ANKS1B: variants seen among roughly 807,000 people sequenced by gnomAD.
ANKS1B encodes the protein ankyrin repeat and sterile alpha motif domain-containing protein 1B.
Under a neutral mutation model 148.3 loss-of-function variants are expected in ANKS1B, and 36 were observed. The ratio of observed to expected loss-of-function variants is 0.24; its 90% CI spans 0.19 to 0.32. ANKS1B has a LOEUF of 0.32. ANKS1B is among the 10% of genes least tolerant of loss of function. ANKS1B has a pLI of 1.00. For synonymous variants in ANKS1B, 542 were observed against 560.8 expected (o/e 0.97, Z 0.47); for missense variants, 1,157 against 1,542.6 (o/e 0.75, Z 4.19).
At chr12:99,071,480 G>A (rs1414500020) in intron 16 of ANKS1B, among the ~76,000 whole-genome samples, 1 of 152,150 alleles carries the variant, frequency 6.6e-6, no homozygotes, top group Non-Finnish European at 1.5e-5. Flanking sequence ...AAATCACAAT[G>A]CCTTTAGCAA....
intron 8 of ANKS1B, among the ~76,000 whole-genome samples, chr12:99,665,062 C>T (rs755398189): frequency 1.3e-5 from 2 of 152,136 alleles, no homozygotes; most frequent in Non-Finnish European, 2.9e-5. Flanking sequence ...GCGGCCATTA[C>T]GAATAAAGTC....
intron 9 of ANKS1B, chr12:99,648,532 C>A (rs751912546): frequency 1.2e-6 from 2 of 1,614,192 alleles, no homozygotes; most frequent in Non-Finnish European, 1.7e-6. Flanking sequence ...ACTAACCAGG[C>A]TGCTTCCCTT....
intron 17 of ANKS1B, among the ~76,000 whole-genome samples, chr12:98,949,013 C>T (rs1221246574): frequency 2.3e-5 from 3 of 129,464 alleles, no homozygotes; most frequent in East Asian, 2.4e-4. Flanking sequence ...AGTGCAGTGG[C>T]GTGATCTCGG....
At chr12:99,032,464 C>T (rs967089748) in intron 17 of ANKS1B, among the ~76,000 whole-genome samples, 4 of 152,154 alleles carry the variant, frequency 2.6e-5, no homozygotes, top group African/African-American at 4.8e-5. Flanking sequence ...GGCAGCATCA[C>T]GCCAATCTTC....
intron 10 of ANKS1B, among the ~76,000 whole-genome samples, chr12:99,490,192 G>A (rs565515657): frequency 5.9e-5 from 9 of 152,342 alleles, no homozygotes; most frequent in East Asian, 1.9e-4. Context: ...TGGAACAAAT[G>A]AATTGGTGGA....
chr12:99,269,554 A>C (rs1292262943), intron 12 of ANKS1B, among the ~76,000 whole-genome samples: 3 of 152,080 alleles, frequency 2.0e-5, no homozygotes, highest in Admixed American at 2.0e-4. Context: ...CCAATTCAAA[A>C]GACTTGCTTA....
At chr12:98,865,253 A>C (rs1191058689) in intron 17 of ANKS1B, among the ~76,000 whole-genome samples, 1 of 152,120 alleles carries the variant, frequency 6.6e-6, no homozygotes, top group East Asian at 1.9e-4. Context: ...CAAATGTTTC[A>C]AGCAGAACTC....
intron 17 of ANKS1B, among the ~76,000 whole-genome samples, chr12:98,889,194 T>C (rs76831050): frequency 0.011 from 1,675 of 152,308 alleles, 26 homozygotes; most frequent in African/African-American, 0.035. Flanking sequence ...ACAAAAATGC[T>C]AGAAAATCAA....
At chr12:99,168,519 CAA>C (rs113434143) in intron 14 of ANKS1B, among the ~76,000 whole-genome samples, 23 of 68,734 alleles carry the variant, frequency 3.3e-4, no homozygotes, top group Admixed American at 4.9e-4. Context: ...AACTCCATCT[CAA>C]AAAAAAAAAA....
intron 12 of ANKS1B, among the ~76,000 whole-genome samples, chr12:99,327,110 A>T (rs1319852222): frequency 2.4e-5 from 3 of 126,994 alleles, no homozygotes; most frequent in African/African-American, 9.0e-5. Context: ...AATATATATT[A>T]ATATAACTAA....
intron 12 of ANKS1B, among the ~76,000 whole-genome samples, chr12:99,351,565 T>C (rs1362690677): frequency 6.6e-6 from 1 of 152,020 alleles, no homozygotes; most frequent in Non-Finnish European, 1.5e-5. Context: ...CATAGATAAA[T>C]TAGTGTCTTT....
chr12:98,754,291 G>T (rs1441576119), intron 25 of ANKS1B, among the ~76,000 whole-genome samples: 1 of 152,182 alleles, frequency 6.6e-6, no homozygotes, highest in African/African-American at 2.4e-5. Context: ...AGGAGGTCTG[G>T]GAGACAGCTC....
At chr12:99,671,205 A>G (rs2098536593) in intron 8 of ANKS1B, among the ~76,000 whole-genome samples, 1 of 152,170 alleles carries the variant, frequency 6.6e-6, no homozygotes, top group Admixed American at 6.5e-5. Flanking sequence ...TGACTAGCAC[A>G]GTTCAGGGCA....
intron 1 of ANKS1B, among the ~76,000 whole-genome samples, chr12:99,953,863 T>C (rs2095270473): frequency 6.6e-6 from 1 of 152,052 alleles, no homozygotes; most frequent in Non-Finnish European, 1.5e-5. Context: ...GTCCTCAAGC[T>C]CAGTTAAATA....
intron 17 of ANKS1B, among the ~76,000 whole-genome samples, chr12:98,947,669 T>A (rs990897827): frequency 6.6e-6 from 1 of 152,186 alleles, no homozygotes; most frequent in African/African-American, 2.4e-5. Context: ...ATATTTTCCT[T>A]GGCTGCCTTT....
intron 12 of ANKS1B, among the ~76,000 whole-genome samples, chr12:99,286,015 G>A (rs1467190814): frequency 6.6e-6 from 1 of 151,990 alleles, no homozygotes; most frequent in Non-Finnish European, 1.5e-5. Context: ...TTCTGATGCT[G>A]TTCTAGGCTC....
intron 9 of ANKS1B, among the ~76,000 whole-genome samples, chr12:99,582,786 C>G (rs1223640732): frequency 6.6e-6 from 1 of 151,986 alleles, no homozygotes; most frequent in Non-Finnish European, 1.5e-5. Context: ...CAAACCTCAT[C>G]AAATTGTATA....
At chr12:98,781,570 T>C (rs1442111795) in intron 23 of ANKS1B, 1 of 394,550 alleles carries the variant, frequency 2.5e-6, no homozygotes, top group Non-Finnish European at 4.9e-6. Context: ...TTCACAAGAG[T>C]TAAACCACAT....
intron 19 of ANKS1B, among the ~76,000 whole-genome samples, chr12:98,825,834 A>T (rs1416910770): frequency 6.6e-6 from 1 of 152,192 alleles, no homozygotes; most frequent in Non-Finnish European, 1.5e-5. Context: ...TATATTTTCC[A>T]TTTACTATCT....
Sources: gnomAD v4.1 joint callset for allele counts (sites outside exome capture counted in the v4.1 genomes callset) on GRCh38, gnomAD v4.1.1 for gene constraint, MANE v1.5 for transcripts, NCBI Gene and HGNC (gene_info 2026-07-23, HGNC 2026-07-21) for gene names.